Variants in USP1 observed in about 807,000 individuals in gnomAD.
The protein encoded by USP1 is ubiquitin carboxyl-terminal hydrolase 1.
A neutral mutation model predicts 72.2 loss-of-function variants in USP1; 18 were observed. The ratio of observed to expected loss-of-function variants is 0.25; its 90% CI spans 0.17 to 0.37. USP1 has a LOEUF of 0.37. Among genes scored for constraint, USP1 ranks in the 10% least tolerant of loss-of-function variants. The probability of loss-of-function intolerance (pLI) is 1.00; values close to 1 mark genes in which losing one functional copy is unlikely to be tolerated. For missense variants in USP1, 759 were observed against 884.9 expected (o/e 0.86, Z 1.81); for synonymous variants, 354 against 303.7 (o/e 1.17, Z -1.72).
chr1:62,445,118 G>T lies in USP1; in HGVS notation c.938G>T (p.Ser313Ile), dbSNP rs1316231740. Reference protein sequence around the residue: ...KRKATSDTLESPPKIIPKYIS... With the variant: ...KRKATSDTLEIPPKIIPKYIS... Reference sequence around the variant, plus strand: ...AAAGCTACAAGTGATACATTAGAGAGTCCTCCTAAAATAATTCCCAAGTAT... The same window carrying T: ...AAAGCTACAAGTGATACATTAGAGATTCCTCCTAAAATAATTCCCAAGTAT... Residue 313 changes from serine to isoleucine, a missense_variant, in exon 6 of 9, where the codon AGT becomes ATT. Around this residue, in one of 9 missense-constraint regions of USP1, gnomAD observed 245 missense variants for 240.7 expected, o/e 1.02. Coordinates refer to ENST00000339950, the MANE Select transcript of USP1 (RefSeq NM_003368.5). 1 of 1,613,448 alleles carries T rather than the reference G, an allele frequency of 6.2e-7. No individual in the cohort carries two copies. The highest frequency in any genetic ancestry group is 1.1e-5 in the South Asian group (1 of 90,904).
Position 62,448,551 on chromosome 1 carries a change from A to C in USP1, c.1507A>C (p.Lys503Gln). The change falls in exon 8 of 9, where the codon AAA becomes CAA. Residue 503 changes from lysine (K) to glutamine (Q), a missense_variant. Lys to Gln is a moderately conservative substitution (Grantham distance 53). Coordinates refer to ENST00000339950, the MANE Select transcript of USP1 (RefSeq NM_003368.5). ...ASVERIVGED[K>Q]YFCENCHHYT... ...AGTAGAAAGGATTGTAGGAGAAGAT[A>C]AATATTTCTGTGAAAACTGCCATCA... 6.2e-7 allele frequency: 1 copy of C among 1,613,992 alleles called. No homozygotes were observed. The highest frequency in any genetic ancestry group is 8.5e-7 in the Non-Finnish European group (1 of 1,179,950).
chr1:62,449,999 T>G (rs1255697018), intron 8 of USP1, among the ~76,000 whole-genome samples: 1 of 151,958 alleles, frequency 6.6e-6, no homozygotes. Context: ...ATTAGGAAAA[T>G]AAAGGAAAAA....
chr1:62,442,464 C>A (rs1645140681), intron 4 of USP1, among the ~76,000 whole-genome samples, 165 bp downstream of exon 4: 1 of 152,062 alleles, frequency 6.6e-6, no homozygotes, highest in African/African-American at 2.4e-5. Flanking sequence ...AGGTGGCTAA[C>A]TAGATAATTC....
At chr1:62,448,721 G>GTCTT (rs1645193472) in intron 8 of USP1, 55 bp downstream of exon 8, 1 of 1,541,436 alleles carries the variant, frequency 6.5e-7, no homozygotes, top group Non-Finnish European at 8.9e-7. Context: ...TAGAAGATAA[G>GTCTT]TCTTGTTCAA....
At position 62,450,909 on chromosome 1, in the gene USP1, C is replaced by G. The variant is rs1436367829; in HGVS notation, c.2286C>G (p.Asp762Glu). The change falls in exon 9 of 9, where the codon GAC becomes GAG. Residue 762 changes from aspartate to glutamate, a missense_variant. By Grantham distance (45) the Asp-to-Glu change is conservative. This residue lies in a region of USP1 where 22 missense variants were observed against 23.4 expected (regional missense o/e 0.94). Transcript: ENST00000339950. ...AAGTCAAAGTTACTGAAGAGAAGGACTTTCTGAATTCTCTTTCCCCTTCTA... is the reference window on the plus strand; with the variant it reads ...AAGTCAAAGTTACTGAAGAGAAGGAGTTTCTGAATTCTCTTTCCCCTTCTA... ...DSEVKVTEEK[D>E]FLNSLSPSTS... 6.2e-7 allele frequency: 1 copy of G among 1,613,722 alleles called. No homozygotes were observed. Among genetic ancestry groups the G allele is most frequent in the Non-Finnish European group, 8.5e-7 (1 of 1,179,868 alleles).
rs1645208056 is a variant in USP1 at position 62,450,575 on chromosome 1, A to G, written c.1952A>G (p.Asn651Ser). Residue 651 changes from asparagine to serine, a missense_variant, in exon 9 of 9, where the codon AAT becomes AGT. Physicochemically the swap from Asn to Ser is conservative, Grantham distance 46 (BLOSUM62 1). Coordinates refer to ENST00000339950, the MANE Select transcript of USP1 (RefSeq NM_003368.5). ...GAAGTGTCAATTAGAGTTGGTGGAA[A>G]TACACAGCCAAGTAAAGTTTTGAAC... is the stretch of plus-strand genomic sequence containing the variant. The part of the protein sequence containing the change: ...DEEVSIRVGG[N>S]TQPSKVLNKK... 7 of 1,613,914 alleles carry G rather than the reference A, an allele frequency of 4.3e-6. No homozygotes were observed. Among genetic ancestry groups the G allele is most frequent in the Non-Finnish European group, 5.9e-6 (7 of 1,180,032 alleles).
Position 62,450,673 on chromosome 1 carries a change from G to C in USP1, c.2050G>C (p.Ala684Pro). The C allele has an allele frequency of 1.2e-6, 2 of 1,614,108 alleles. No individual in the cohort carries two copies. The highest frequency in any genetic ancestry group is 1.7e-6 in the Non-Finnish European group (2 of 1,180,008). The change falls in exon 9 of 9, where the codon GCC becomes CCC. Residue 684 changes from alanine to proline, a missense_variant. Physicochemically the swap from Ala to Pro is conservative, Grantham distance 27. This residue lies in a region of USP1 where 159 missense variants were observed against 140.9 expected (regional missense o/e 1.13). Coordinates refer to ENST00000339950, the MANE Select transcript of USP1 (RefSeq NM_003368.5). ...AGCAGATTATGAGCTATACAACAAA[G>C]CCTCTAATCCTGATAAGGTTGCTAG... ...SKADYELYNK[A>P]SNPDKVASTA...
At chr1:62,439,221 A>G (rs148003517) in intron 1 of USP1, among the ~76,000 whole-genome samples, 24 of 152,126 alleles carry the variant, frequency 1.6e-4, no homozygotes, top group Middle Eastern at 3.4e-3. Context: ...GTCTTGCTCT[A>G]TGGCCCAGGC....
intron 6 of USP1, among the ~76,000 whole-genome samples, chr1:62,446,822 T>A (rs931177582): frequency 1.4e-4 from 21 of 152,260 alleles, no homozygotes; most frequent in East Asian, 5.8e-4. Context: ...TTATTTTTTT[T>A]ATTTTTTTGG....
At chr1:62,439,064 G>T (rs753724710) in intron 1 of USP1, among the ~76,000 whole-genome samples, 17 of 152,204 alleles carry the variant, frequency 1.1e-4, no homozygotes, top group Non-Finnish European at 2.1e-4. Context: ...GGCATTGGAA[G>T]AGAGGACTCA....
chr1:62,441,357 G>A, intron 2 of USP1, 131 bp from the exon 3 acceptor site: 1 of 1,103,092 alleles, frequency 9.1e-7, no homozygotes, highest in African/African-American at 1.6e-5. Context: ...TTCTTAAAAT[G>A]TCATCTGAAC....
intron 1 of USP1, among the ~76,000 whole-genome samples, chr1:62,438,013 C>T (rs1263031069): frequency 2.6e-5 from 4 of 151,936 alleles, no homozygotes; most frequent in African/African-American, 9.7e-5. Context: ...GATTTAGTTA[C>T]AGGAGAAATA....
chr1:62,436,874 G>A (rs1181363845), upstream of USP1: 2 of 378,358 alleles, frequency 5.3e-6, no homozygotes, highest in African/African-American at 2.1e-5. Flanking sequence ...GGGAACTACA[G>A]TCCCAGCTGG....
chr1:62,448,638 T>G lies in USP1; in HGVS notation c.1594T>G (p.Leu532Val). Residue 532 changes from leucine (L) to valine (V), a missense_variant, in exon 8 of 9, where the codon TTG becomes GTG. This residue lies in a region of USP1 where 140 missense variants were observed against 222.8 expected (regional missense o/e 0.63). Transcript: ENST00000339950. ...AATGCCTGAAGTTATAACTATTCATTTGAAGTGCTTTGCTGCTAGTGGTTT... is the reference window on the plus strand; with the variant it reads ...AATGCCTGAAGTTATAACTATTCATGTGAAGTGCTTTGCTGCTAGTGGTTT... ...DKMPEVITIH[L>V]KCFAASGLEF... The G allele has an allele frequency of 1.2e-6, 2 of 1,613,148 alleles. No homozygotes were observed. The highest frequency in any genetic ancestry group is 1.7e-5 in the Admixed American group (1 of 60,026).
Position 62,450,828 on chromosome 1 carries a change from C to G in USP1, c.2205C>G (p.Tyr735Ter), listed in dbSNP as rs761322194. ...GTGGATTTGAGAACAAAATTTCATA[C>G]GTAGTGCAAAGCTTAAAGGAGTATG... ...NISGFENKIS[Y>*]VVQSLKEYEG... is the part of the protein sequence containing the mutation. The change falls in exon 9 of 9, where the codon TAC (tyrosine) becomes TAG (stop). Residue 735 changes from tyrosine (Y) to a stop codon, truncating the protein, a stop_gained. Transcript: ENST00000339950. LOFTEE classifies it high-confidence loss of function. 1 of 1,613,990 alleles carries G rather than the reference C, an allele frequency of 6.2e-7. No individual in the cohort carries two copies. The highest frequency in any genetic ancestry group is 8.5e-7 in the Non-Finnish European group (1 of 1,179,966).
chr1:62,447,060 G>A (rs1408455372), intron 6 of USP1, among the ~76,000 whole-genome samples: 1 of 152,104 alleles, frequency 6.6e-6, no homozygotes, highest in African/African-American at 2.4e-5. Context: ...TGATCTGCCC[G>A]CCTCAGCCTC....
chr1:62,447,417 A>G lies in USP1; in HGVS notation c.1326A>G (p.Glu442=), dbSNP rs780528957. 1 of 1,614,186 alleles carries G rather than the reference A, an allele frequency of 6.2e-7. No individual in the cohort carries two copies. ...TGGTATTAAGGACGCGTTGCTTGGA[A>G]TGTGAAAGTTTAACAGAAAGAAGAG... The part of the protein sequence containing the change: ...GQLVLRTRCL[E]CESLTERRED... Residue 442 remains glutamate (E), a synonymous_variant, in exon 7 of 9, where the codon GAA becomes GAG. Coordinates refer to ENST00000339950, the MANE Select transcript of USP1 (RefSeq NM_003368.5).
chr1:62,444,870 T>C lies in USP1; in HGVS notation c.690T>C (p.Pro230=), dbSNP rs771281385. ...AAGTAAAAAATGTGGCAGAATTACC[T>C]ACTAAGGTAGAAGAAATACCTCATC... ...KEEVKNVAEL[P]TKVEEIPHPK... The change falls in exon 6 of 9, where the codon CCT becomes CCC. Residue 230 remains proline (P), a synonymous_variant. Coordinates refer to ENST00000339950, the MANE Select transcript of USP1 (RefSeq NM_003368.5). The C allele has an allele frequency of 1.6e-5, 26 of 1,613,406 alleles. No individual in the cohort carries two copies. Among genetic ancestry groups the C allele is most frequent in the Non-Finnish European group, 2.2e-5 (26 of 1,179,792 alleles).
At chr1:62,444,270 AAAAAAAAAAAG>A (rs1466736752) in intron 5 of USP1, among the ~76,000 whole-genome samples, 1 of 142,906 alleles carries the variant, frequency 7.0e-6, no homozygotes, top group African/African-American at 2.7e-5. Flanking sequence ...CAAAAAAAAA[AAAAAAAAAAAG>A]GCCATTGTAG....
Sources: gnomAD v4.1 joint callset for allele counts (sites outside exome capture counted in the v4.1 genomes callset) on GRCh38, gnomAD v4.1.1 for gene constraint, gnomAD v4.1.1 regional missense constraint, MANE v1.5 for transcripts, NCBI Gene and HGNC (gene_info 2026-07-23, HGNC 2026-07-21) for gene names.